Variants in C21orf91 observed in about 807,000 individuals in gnomAD.
The protein encoded by C21orf91 is protein EURL homolog.
In C21orf91, 26 loss-of-function variants were observed where a neutral mutation model predicts 32.9. That is an observed-to-expected ratio of 0.79 (90% CI 0.58 to 1.10). The LOEUF (loss-of-function observed/expected upper bound fraction) is 1.10. C21orf91 is among the 50% of genes least tolerant of loss of function. C21orf91 has a pLI of 0.00. For missense variants in C21orf91, 310 were observed against 341.3 expected, an observed-to-expected ratio of 0.91 and a Z score of 0.72; for synonymous variants, 126 against 120.4, an observed-to-expected ratio of 1.05 and a Z score of -0.31.
intron 2 of C21orf91, among the ~76,000 whole-genome samples, chr21:17,814,397 C>T (rs889963237): frequency 6.6e-6 from 1 of 152,176 alleles, no homozygotes; most frequent in East Asian, 1.9e-4. Context: ...GAAGTTTATG[C>T]ACCTGTCTTC....
intron 2 of C21orf91, among the ~76,000 whole-genome samples, chr21:17,806,948 C>A (rs995649039): frequency 3.9e-5 from 6 of 152,140 alleles, no homozygotes; most frequent in Admixed American, 3.3e-4. Context: ...GGTCTATATT[C>A]ACTCTCAACT....
At chr21:17,801,584 C>T (rs2062561781) in intron 2 of C21orf91, among the ~76,000 whole-genome samples, 1 of 150,154 alleles carries the variant, frequency 6.7e-6, no homozygotes, top group Non-Finnish European at 1.5e-5. Flanking sequence ...TGTTCTTATT[C>T]ATAAGTGGGA....
chr21:17,806,798 T>C (rs1052025505), intron 2 of C21orf91, among the ~76,000 whole-genome samples: 2 of 151,790 alleles, frequency 1.3e-5, no homozygotes, highest in African/African-American at 4.8e-5. Flanking sequence ...CAAGATCCTG[T>C]CACTGCACTC....
At chr21:17,806,769 G>A (rs545928677) in intron 2 of C21orf91, among the ~76,000 whole-genome samples, 18 of 152,276 alleles carry the variant, frequency 1.2e-4, no homozygotes, top group Admixed American at 1.0e-3. Context: ...GAACCTGGGA[G>A]GCAGAGGTTG....
At chr21:17,797,699 T>C (rs1014981593) in intron 2 of C21orf91, among the ~76,000 whole-genome samples, 1 of 151,908 alleles carries the variant, frequency 6.6e-6, no homozygotes, top group African/African-American at 2.4e-5. Flanking sequence ...TTCCATTTTA[T>C]AGTTACTAAA....
At chr21:17,798,494 C>T (rs1053686473) in intron 2 of C21orf91, among the ~76,000 whole-genome samples, 1 of 152,178 alleles carries the variant, frequency 6.6e-6, no homozygotes, top group Non-Finnish European at 1.5e-5. Context: ...CAACTGCTCT[C>T]ATGAGGTAAA....
intron 2 of C21orf91, among the ~76,000 whole-genome samples, chr21:17,798,744 C>A (rs1176774089): frequency 6.6e-6 from 1 of 152,128 alleles, no homozygotes; most frequent in East Asian, 1.9e-4. Context: ...GGGAAACTGA[C>A]ATAAAAAGGA....
At chr21:17,808,267 C>A (rs1350262597) in intron 2 of C21orf91, among the ~76,000 whole-genome samples, 1 of 152,226 alleles carries the variant, frequency 6.6e-6, no homozygotes, top group African/African-American at 2.4e-5. Flanking sequence ...AAGCTGTAAG[C>A]CTTGGGGGCT....
At chr21:17,814,461 T>G (rs530980711) in intron 2 of C21orf91, among the ~76,000 whole-genome samples, 1 of 152,308 alleles carries the variant, frequency 6.6e-6, no homozygotes, top group South Asian at 2.1e-4. Context: ...ATTCTTGCAC[T>G]GCTATAAAGA....
At chr21:17,798,261 C>A (rs1351600990) in intron 2 of C21orf91, among the ~76,000 whole-genome samples, 1 of 152,030 alleles carries the variant, frequency 6.6e-6, no homozygotes, top group African/African-American at 2.4e-5. Context: ...CAAAGTCTGG[C>A]TAAAAGAAAG....
intron 2 of C21orf91, among the ~76,000 whole-genome samples, chr21:17,802,780 G>C (rs1268709247): frequency 6.6e-6 from 1 of 152,188 alleles, no homozygotes; most frequent in Non-Finnish European, 1.5e-5. Context: ...TGCTGATGCT[G>C]AATGCCTTTA....
chr21:17,802,555 T>G (rs1485149453), intron 2 of C21orf91, among the ~76,000 whole-genome samples: 1 of 152,206 alleles, frequency 6.6e-6, no homozygotes, highest in Non-Finnish European at 1.5e-5. Context: ...CAATTTTTTT[T>G]CGTAACAAAA....
At chr21:17,803,759 A>C (rs375111824) in intron 2 of C21orf91, among the ~76,000 whole-genome samples, 3 of 152,208 alleles carry the variant, frequency 2.0e-5, no homozygotes, top group East Asian at 3.9e-4. Context: ...AAGACAATGG[A>C]TGAAAATGTT....
At chr21:17,801,834 A>AGG (rs1392011311) in intron 2 of C21orf91, among the ~76,000 whole-genome samples, 3 of 151,962 alleles carry the variant, frequency 2.0e-5, no homozygotes. Flanking sequence ...CCCAGAACTT[A>AGG]AAGTATTAAA....
chr21:17,807,955 T>C (rs1278872714), intron 2 of C21orf91, among the ~76,000 whole-genome samples: 1 of 152,208 alleles, frequency 6.6e-6, no homozygotes, highest in Non-Finnish European at 1.5e-5. Flanking sequence ...ATTTGCAGCC[T>C]GACCGTGTGG....
At chr21:17,818,396 G>T in intron 1 of C21orf91, 71 bp from the exon 2 acceptor site, 1 of 1,258,076 alleles carries the variant, frequency 7.9e-7, no homozygotes, top group Non-Finnish European at 1.1e-6. Flanking sequence ...CCTTTACTGG[G>T]AACTTCTAGG....
In C21orf91 at chr21:17,792,799, T is replaced by C. The variant is rs1220757435; in HGVS notation, c.*616A>G. 6.6e-5 allele frequency: 10 copies of C among 152,592 alleles called. No individual in the cohort carries two copies. Among genetic ancestry groups the C allele is most frequent in the African/African-American group, 1.9e-4 (8 of 41,422 alleles). 9.5% of individuals were successfully genotyped at this position (152,592 alleles called of 1,614,324 possible). ...AAGAGGTATTAGAAATTAAAACAAC[T>C]CAGATTTCTAATCCAAAATATATTT... On this transcript the variant is annotated 3_prime_UTR_variant, in exon 5 of 5. Transcript: ENST00000284881.
intron 2 of C21orf91, among the ~76,000 whole-genome samples, chr21:17,801,034 G>A (rs1471885366): frequency 6.6e-6 from 1 of 151,982 alleles, no homozygotes; most frequent in Non-Finnish European, 1.5e-5. Context: ...ATTTGACCCA[G>A]CAATCTCATT....
chr21:17,801,389 G>A (rs796872740), intron 2 of C21orf91, among the ~76,000 whole-genome samples: 1 of 151,910 alleles, frequency 6.6e-6, no homozygotes, highest in African/African-American at 2.4e-5. Context: ...TCCTGCCTCA[G>A]CCTCCCGAGT....
Sources: allele counts gnomAD v4.1 joint callset (sites outside exome capture counted in the v4.1 genomes callset), GRCh38; gene constraint gnomAD v4.1.1; transcripts MANE v1.5; gene names NCBI Gene and HGNC (gene_info 2026-07-23, HGNC 2026-07-21).